The following ABCA4 variants were observed in gnomAD, a reference collection of about 807,000 sequenced individuals.
The protein encoded by ABCA4 is retinal-specific phospholipid-transporting ATPase ABCA4.
A neutral mutation model predicts 263.7 loss-of-function variants in ABCA4; 196 were observed. The observed-to-expected ratio is 0.74, with a 90% CI of 0.66 to 0.84. ABCA4 has a LOEUF of 0.84. Among genes scored for constraint, ABCA4 ranks in the 40% least tolerant of loss-of-function variants. The pLI is 0.00. For missense variants in ABCA4, 2,792 were observed against 2,855.1 expected, an observed-to-expected ratio of 0.98 and a Z score of 0.50; for synonymous variants, 1,133 against 1,094.2, an observed-to-expected ratio of 1.04 and a Z score of -0.70.
chr1:94,024,912 A>T (rs1344007698), intron 31 of ABCA4, 42 bp downstream of exon 31: 1 of 1,489,104 alleles, frequency 6.7e-7, no homozygotes, highest in East Asian at 2.3e-5. Context: ...AATATCTTCT[A>T]CAGGGAGCCA....
chr1:94,105,425 A>G (rs1003480439), intron 4 of ABCA4, among the ~76,000 whole-genome samples: 6 of 151,742 alleles, frequency 4.0e-5, no homozygotes, highest in Admixed American at 3.3e-4. Context: ...TCTGGGGGGG[A>G]AGGGGGAGTG....
Position 94,111,939 on chromosome 1 carries a change from C to T in ABCA4, c.161-360G>A, listed in dbSNP as rs534417698. Reference sequence around the variant, plus strand: ...TGCTGCTGCTTGAGCAGACGCTCGTCTATTCCTTCAACCACGGTGAACTGA... The same window carrying T: ...TGCTGCTGCTTGAGCAGACGCTCGTTTATTCCTTCAACCACGGTGAACTGA... On this transcript the variant is annotated intron_variant, in intron 2 of 49. Transcript: ENST00000370225. Among the ~76,000 whole-genome samples, 21 of 152,342 alleles carry T rather than the reference C, an allele frequency of 1.4e-4. 1 individual carries two copies. In the East Asian group the frequency reaches 3.9e-3, roughly 28 times the overall value.
intron 3 of ABCA4, among the ~76,000 whole-genome samples, chr1:94,109,173 T>C (rs188537970): frequency 4.6e-5 from 7 of 152,194 alleles, no homozygotes; most frequent in Admixed American, 4.6e-4. Context: ...TTTTACTTCC[T>C]TGTACATATA....
intron 7 of ABCA4, among the ~76,000 whole-genome samples, chr1:94,081,031 T>A (rs759316282): frequency 1.2e-4 from 18 of 152,066 alleles, no homozygotes; most frequent in Non-Finnish European, 2.5e-4. Flanking sequence ...GAGACCATCC[T>A]GGCGAACATG....
intron 35 of ABCA4, 22 bp downstream of exon 35, chr1:94,021,218 G>A (rs764997248): frequency 3.7e-6 from 6 of 1,614,058 alleles, no homozygotes; most frequent in South Asian, 3.3e-5. Flanking sequence ...AAAGTGGTGA[G>A]GCTGGGGCTG....
Position 94,040,097 on chromosome 1 carries a change from A to G in ABCA4, c.3553T>C (p.Ser1185Pro). 1.2e-6 allele frequency: 2 copies of G among 1,610,064 alleles called. No homozygotes were observed. The highest frequency in any genetic ancestry group is 1.7e-6 in the Non-Finnish European group (2 of 1,178,022). The stretch of plus-strand genomic sequence containing the variant: ...TCGACGTGGGCTGGACACGTGGTGG[A>G]GAAACCCTTAGACGAGCAGCTGCAG... ...GTCSCSSKGFSTTCPAHVDDL... is the reference protein window; with the variant it reads ...GTCSCSSKGFPTTCPAHVDDL... The change falls in exon 24 of 50, where the codon TCC becomes CCC. Residue 1185 changes from serine to proline, a missense_variant. Coordinates refer to ENST00000370225, the MANE Select transcript of ABCA4 (RefSeq NM_000350.3).
In ABCA4 at chr1:94,046,974, C is replaced by G. The variant is rs765680067; in HGVS notation, c.2863G>C (p.Glu955Gln). 1 of 1,614,122 alleles carries G rather than the reference C, an allele frequency of 6.2e-7. No individual in the cohort carries two copies. Among genetic ancestry groups the G allele is most frequent in the Non-Finnish European group, 8.5e-7 (1 of 1,180,024 alleles). Residue 955 changes from glutamate to glutamine, a missense_variant, in exon 19 of 50, where the codon GAG becomes CAG. By Grantham distance (29) the Glu-to-Gln change is conservative. Coordinates refer to ENST00000370225, the MANE Select transcript of ABCA4 (RefSeq NM_000350.3). ...AVDRLNITFY[E>Q]NQITAFLGHN... The stretch of plus-strand genomic sequence containing the variant: ...CCCAGGAATGCGGTGATCTGGTTCT[C>G]GTAGAAGGTGATGTTCAGACGGTCC...
chr1:94,044,810 C>T, intron 19 of ABCA4, 66 bp from the exon 20 acceptor site: 1 of 1,610,368 alleles, frequency 6.2e-7, no homozygotes, highest in Non-Finnish European at 8.5e-7. Context: ...GAGGGCCACC[C>T]CCACACCAGG....
Position 94,063,262 on chromosome 1 carries a change from C to A in ABCA4, c.1610G>T (p.Arg537Leu). Reference sequence around the variant, plus strand: ...GTTTTCCTCCAGTAGAGAGAGGGCACGTTGGGTGAGCTGAGTTTCATCATT... The same window carrying A: ...GTTTTCCTCCAGTAGAGAGAGGGCAAGTTGGGTGAGCTGAGTTTCATCATT... Reference protein sequence around the residue: ...SYNDETQLTQRALSLLEENMF... With the variant: ...SYNDETQLTQLALSLLEENMF... Residue 537 changes from arginine (R) to leucine (L), a missense_variant, in exon 12 of 50, where the codon CGT becomes CTT. Coordinates refer to ENST00000370225, the MANE Select transcript of ABCA4 (RefSeq NM_000350.3). 1.2e-6 allele frequency: 2 copies of A among 1,614,098 alleles called. No individual in the cohort carries two copies. The highest frequency in any genetic ancestry group is 1.7e-6 in the Non-Finnish European group (2 of 1,180,024).
At chr1:94,074,307 G>A (rs559859915) in intron 11 of ABCA4, among the ~76,000 whole-genome samples, 4 of 152,302 alleles carry the variant, frequency 2.6e-5, no homozygotes, top group Admixed American at 2.0e-4. Flanking sequence ...AAACTGGCTA[G>A]CCATATGTAG....
At chr1:94,026,478 G>A (rs780979737) in intron 30 of ABCA4, among the ~76,000 whole-genome samples, 1 of 152,152 alleles carries the variant, frequency 6.6e-6, no homozygotes, top group African/African-American at 2.4e-5. Context: ...CTTGCAGGTG[G>A]GTGGCCCAGG....
intron 45 of ABCA4, 67 bp downstream of exon 45, chr1:94,001,791 T>C: frequency 6.2e-7 from 1 of 1,612,076 alleles, no homozygotes; most frequent in Non-Finnish European, 8.5e-7. Context: ...ACCCAGAACC[T>C]ATTTCCCCAA....
At chr1:94,027,427 GGAGGC>G (rs1660072469) in intron 30 of ABCA4, among the ~76,000 whole-genome samples, 1 of 152,178 alleles carries the variant, frequency 6.6e-6, no homozygotes, top group Non-Finnish European at 1.5e-5. Flanking sequence ...GGTTTTGAGT[GGAGGC>G]AGCCACAGGA....
intron 23 of ABCA4, among the ~76,000 whole-genome samples, chr1:94,040,742 C>G (rs1660463900): frequency 6.6e-6 from 1 of 152,152 alleles, no homozygotes; most frequent in Admixed American, 6.5e-5. Context: ...ACTGGGTCTC[C>G]TGATGTGCTG....
Position 93,996,156 on chromosome 1 carries a change from C to T in ABCA4, c.6769G>A (p.Asp2257Asn), listed in dbSNP as rs1327249006. 1 of 1,614,028 alleles carries T rather than the reference C, an allele frequency of 6.2e-7. No individual in the cohort carries two copies. Residue 2257 changes from aspartate to asparagine, a missense_variant, in exon 49 of 50, where the codon GAC becomes AAC. By Grantham distance (23) the Asp-to-Asn change is conservative (BLOSUM62 1). Coordinates refer to ENST00000370225, the MANE Select transcript of ABCA4 (RefSeq NM_000350.3). ...GCAGCTCGAGGGTGCAGAGGGAGGT[C>T]ATGACTTTCAGTCTGCTGTTTAGCA... The part of the protein sequence containing the change: ...NFAKQQTESH[D>N]LPLHPRAAGA...
chr1:94,061,002 A>G (rs2101075776), intron 13 of ABCA4, among the ~76,000 whole-genome samples: 1 of 152,312 alleles, frequency 6.6e-6, no homozygotes, highest in East Asian at 1.9e-4. Context: ...AATGCTCTGC[A>G]AGTAAAATGT....
Position 94,021,636 on chromosome 1 carries a change from G to A in ABCA4, c.4848+4C>T, listed in dbSNP as rs1659900066. 3 of 1,609,526 alleles carry A rather than the reference G, an allele frequency of 1.9e-6. No homozygotes were observed. In the African/African-American group the frequency reaches 4.0e-5, roughly 22 times the overall value. ...CCAGAGCAGATTATACATAGGTCAAGTACCTTAATGTTGTCTTCAGTTTCT... is the reference window on the plus strand; with the variant it reads ...CCAGAGCAGATTATACATAGGTCAAATACCTTAATGTTGTCTTCAGTTTCT... On this transcript the variant is annotated splice_donor_region_variant and intron_variant, in intron 34 of 49. Coordinates refer to ENST00000370225, the MANE Select transcript of ABCA4 (RefSeq NM_000350.3).
intron 11 of ABCA4, among the ~76,000 whole-genome samples, chr1:94,064,362 C>T (rs992376104): frequency 9.2e-5 from 14 of 152,166 alleles, no homozygotes; most frequent in African/African-American, 1.7e-4. Context: ...GGAAGCCCAG[C>T]GGAGGGACGC....
At chr1:94,045,794 C>T (rs188591021) in intron 19 of ABCA4, 4 of 456,268 alleles carry the variant, frequency 8.8e-6, no homozygotes, top group African/African-American at 8.0e-5. Flanking sequence ...AGGGTGTACA[C>T]GCTGTTGTTC....
Sources: allele counts gnomAD v4.1 joint callset (sites outside exome capture counted in the v4.1 genomes callset), GRCh38; gene constraint gnomAD v4.1.1; transcripts MANE v1.5; gene names NCBI Gene and HGNC (gene_info 2026-07-23, HGNC 2026-07-21).